Variants in ENPP1 observed in about 807,000 individuals in gnomAD.
ENPP1 encodes the protein ectonucleotide pyrophosphatase/phosphodiesterase 1.
In ENPP1, 73 loss-of-function variants were observed where a neutral mutation model predicts 122.8. The ratio of observed to expected loss-of-function variants is 0.59; its 90% confidence interval spans 0.49 to 0.72. The LOEUF (loss-of-function observed/expected upper bound fraction) is 0.72. Among genes scored for constraint, ENPP1 ranks in the 30% least tolerant of loss-of-function variants. The probability of loss-of-function intolerance (pLI) is 0.00; values close to 1 mark genes in which losing one functional copy is unlikely to be tolerated. For synonymous variants in ENPP1, 367 were observed against 391.6 expected, an observed-to-expected ratio of 0.94 and a Z score of 0.74; for missense variants, 978 against 1,128.1, an observed-to-expected ratio of 0.87 and a Z score of 1.91.
intron 20 of ENPP1, among the ~76,000 whole-genome samples, chr6:131,881,943 T>C (rs959795567): frequency 1.3e-5 from 2 of 151,936 alleles, no homozygotes; most frequent in Admixed American, 1.3e-4. Context: ...CGCTTGAACC[T>C]GGGGGGCAGA....
chr6:131,881,856 C>CA (rs1782313637), intron 20 of ENPP1, among the ~76,000 whole-genome samples: 1 of 151,380 alleles, frequency 6.6e-6, no homozygotes, highest in Non-Finnish European at 1.5e-5. Context: ...CCATCTCTAC[C>CA]AAAAACACAA....
chr6:131,848,190 T>C (rs558439533), intron 2 of ENPP1, among the ~76,000 whole-genome samples: 1 of 152,282 alleles, frequency 6.6e-6, no homozygotes, highest in East Asian at 1.9e-4. Context: ...AGGTGACAGT[T>C]ACCATCCCTG....
intron 6 of ENPP1, 46 bp from the exon 7 acceptor site, chr6:131,858,622 A>AT: frequency 7.8e-7 from 1 of 1,281,876 alleles, no homozygotes; most frequent in Non-Finnish European, 1.1e-6. Flanking sequence ...AGGTAAGCCA[A>AT]TTGTCAGATG....
chr6:131,837,172 T>TTGTGTGTGTGTGTGTG (rs67550562), intron 1 of ENPP1, among the ~76,000 whole-genome samples: 56 of 136,052 alleles, frequency 4.1e-4, no homozygotes, highest in South Asian at 1.4e-3. Flanking sequence ...CCTGTTGTCA[T>TTGTGTGTGTGTGTGTG]TGTGTGTGTG....
chr6:131,879,798 G>A lies in ENPP1; in HGVS notation c.1946-82G>A, dbSNP rs1022733251. On this transcript the variant is annotated intron_variant, in intron 19 of 24. Transcript: ENST00000647893. ...AAATCTTCAATATAATTAAGTAGAG[G>A]AAAGGATTAGATGAGTGTATCACAC... 4 of 1,237,260 alleles carry A rather than the reference G, an allele frequency of 3.2e-6. No individual in the cohort carries two copies. The South Asian group carries it at 3.7e-5, about 11-fold the overall frequency. 76.6% of individuals were successfully genotyped at this position (1,237,260 alleles called of 1,614,324 possible).
intron 9 of ENPP1, among the ~76,000 whole-genome samples, chr6:131,862,582 T>C (rs1467182784): frequency 1.3e-5 from 2 of 152,160 alleles, no homozygotes; most frequent in African/African-American, 4.8e-5. Flanking sequence ...GCTGATGCGT[T>C]GGATTGGGGA....
intron 12 of ENPP1, among the ~76,000 whole-genome samples, 194 bp downstream of exon 12, chr6:131,868,320 C>T (rs1167753642): frequency 6.6e-6 from 1 of 152,074 alleles, no homozygotes; most frequent in Admixed American, 6.6e-5. Flanking sequence ...AACCTAAGTG[C>T]CTATCAAGCA....
chr6:131,873,127 C>T (rs1782184262), intron 15 of ENPP1, 77 bp downstream of exon 15: 1 of 1,480,458 alleles, frequency 6.8e-7, no homozygotes, highest in Non-Finnish European at 9.4e-7. Flanking sequence ...CCCTTTCTAA[C>T]AATATTGTTA....
chr6:131,811,354 AC>A (rs950300178), intron 1 of ENPP1, among the ~76,000 whole-genome samples: 5 of 135,544 alleles, frequency 3.7e-5, no homozygotes, highest in Admixed American at 1.5e-4. Context: ...CTTTAAAAAA[AC>A]ATATATCTAT....
At position 131,827,069 on chromosome 6, in the gene ENPP1, G is replaced by T. The variant is rs2114666237; in HGVS notation, c.240+18794G>T. 5 of 616,816 alleles carry T rather than the reference G, an allele frequency of 8.1e-6. No individual in the cohort carries two copies. In the East Asian group the frequency reaches 1.3e-4, roughly 16 times the overall value. 38.2% of individuals were successfully genotyped at this position (616,816 alleles called of 1,614,324 possible). On this transcript the variant is annotated intron_variant, in intron 1 of 24. Coordinates refer to ENST00000647893, the MANE Select transcript of ENPP1 (RefSeq NM_006208.3). ...CGGCAGACGGCAGCTTCACCTCCAG[G>T]GTCTGCTCCAGGCTTAGCACCTCCA...
At chr6:131,864,041 C>A (rs56235303) in intron 9 of ENPP1, among the ~76,000 whole-genome samples, 3,039 of 152,160 alleles carry the variant, frequency 0.02, 47 homozygotes, top group Non-Finnish European at 0.028. Context: ...GGCAAGAACT[C>A]TGATTAGAGG....
chr6:131,878,590 G>A lies in ENPP1; in HGVS notation c.1942G>A (p.Glu648Lys). ...AACACAGTTCAATCTGACTGTGGCA[G>A]AAGGTAAGGCATGCTACACACTCAA... ...FQTQFNLTVAEEKIIKHETLP... is the reference protein window; with the variant it reads ...FQTQFNLTVAKEKIIKHETLP... The change falls in exon 19 of 25, where the codon GAA (glutamate) becomes AAA (lysine). Residue 648 changes from glutamate (E) to lysine (K), a missense_variant. Glu to Lys is a moderately conservative substitution (Grantham distance 56). This residue lies in a region of ENPP1 where 644 missense variants were observed against 781.5 expected (regional missense o/e 0.82). Transcript: ENST00000647893. 2 of 1,611,292 alleles carry A rather than the reference G, an allele frequency of 1.2e-6. No homozygotes were observed. The highest frequency in any genetic ancestry group is 1.1e-5 in the South Asian group (1 of 91,010).
In ENPP1 at chr6:131,872,908, T is replaced by C; in HGVS notation, c.1438-15T>C. 6.2e-7 allele frequency: 1 copy of C among 1,613,460 alleles called. No individual in the cohort carries two copies. Among genetic ancestry groups the C allele is most frequent in the Non-Finnish European group, 8.5e-7 (1 of 1,179,482 alleles). On this transcript the variant is annotated splice_polypyrimidine_tract_variant and intron_variant, in intron 14 of 24. Transcript: ENST00000647893. ...TAGGGAAATAATAGTTTTTCTTTGCTGTTTGCAATTTCAGTGCCGGGAACC... is the reference window on the plus strand; with the variant it reads ...TAGGGAAATAATAGTTTTTCTTTGCCGTTTGCAATTTCAGTGCCGGGAACC...
intron 1 of ENPP1, chr6:131,827,027 G>T: frequency 1.8e-6 from 1 of 545,408 alleles, no homozygotes; most frequent in East Asian, 3.9e-5. Flanking sequence ...CATCTTTGAG[G>T]TTGACCAGCT....
At chr6:131,836,306 GT>G (rs1257996687) in intron 1 of ENPP1, among the ~76,000 whole-genome samples, 1 of 151,968 alleles carries the variant, frequency 6.6e-6, no homozygotes, top group African/African-American at 2.4e-5. Context: ...TAGAGACAGG[GT>G]TTCACCATGT....
At position 131,847,859 on chromosome 6, in the gene ENPP1, GTGTGT is replaced by G. The variant is rs761401793; in HGVS notation, c.313+12_313+16del. 158 of 704,562 alleles carry G rather than the reference GTGTGT, an allele frequency of 2.2e-4. 1 individual carries two copies. In the African/African-American group the frequency reaches 5.8e-3, roughly 26 times the overall value. The allele number at this position is 704,562 out of a possible 1,614,324, so 43.6% of individuals were successfully genotyped here. Reference sequence around the variant, plus strand: ...GCTGTGCCAAAGAAGGTAATTAGGTGTGTGTGTGTGTGTGTGTGTGTGTGTGTGTG... The same window carrying G: ...GCTGTGCCAAAGAAGGTAATTAGGTGGTGTGTGTGTGTGTGTGTGTGTGTG... On this transcript the variant is annotated intron_variant, in intron 2 of 24. Coordinates refer to ENST00000647893, the MANE Select transcript of ENPP1 (RefSeq NM_006208.3).
chr6:131,861,998 G>A (rs1455508679), intron 9 of ENPP1, among the ~76,000 whole-genome samples: 2 of 151,882 alleles, frequency 1.3e-5, no homozygotes, highest in African/African-American at 2.4e-5. Flanking sequence ...GTAAAACCCC[G>A]TCTCTACTAA....
chr6:131,820,788 C>T (rs1039639410), intron 1 of ENPP1: 35 of 152,152 alleles, frequency 2.3e-4, no homozygotes, highest in African/African-American at 8.4e-4. Flanking sequence ...TTAATCTCAT[C>T]TCTGTAGTTT....
At chr6:131,888,808 T>G (rs1782422477) in intron 24 of ENPP1, among the ~76,000 whole-genome samples, 1 of 152,156 alleles carries the variant, frequency 6.6e-6, no homozygotes, top group African/African-American at 2.4e-5. Flanking sequence ...GTTTGAGAGA[T>G]TATATTGTCA....
Sources: allele counts gnomAD v4.1 joint callset (sites outside exome capture counted in the v4.1 genomes callset), GRCh38; gene constraint gnomAD v4.1.1; regional missense constraint gnomAD v4.1.1; transcripts MANE v1.5; gene names NCBI Gene and HGNC (gene_info 2026-07-23, HGNC 2026-07-21).